PCGF3: variants seen among roughly 807,000 people sequenced by gnomAD.
PCGF3 encodes the protein polycomb group ring finger 3.
PCGF3 carries 7 observed loss-of-function variants against 33.1 expected under a neutral mutation model. The ratio of observed to expected loss-of-function variants is 0.21; its 90% CI spans 0.12 to 0.40. The LOEUF is 0.40. Ranked by LOEUF, PCGF3 falls within the 10% of genes least tolerant of loss-of-function variation. PCGF3 has a pLI of 1.00. For missense variants in PCGF3, 211 were observed against 313.3 expected, an observed-to-expected ratio of 0.67 and a Z score of 2.46; for synonymous variants, 153 against 121.3, an observed-to-expected ratio of 1.26 and a Z score of -1.72.
chr4:760,290 T>A (rs1412948187), intron 8 of PCGF3, among the ~76,000 whole-genome samples: 4 of 152,214 alleles, frequency 2.6e-5, no homozygotes, highest in African/African-American at 7.2e-5. Flanking sequence ...GGGGCTCCCG[T>A]CTTCTCCCCT....
At chr4:710,353 T>A (rs1420895043) in intron 1 of PCGF3, among the ~76,000 whole-genome samples, 1 of 152,226 alleles carries the variant, frequency 6.6e-6, no homozygotes, top group African/African-American at 2.4e-5. Flanking sequence ...AGGAAGGACG[T>A]CCCAGTGTTT....
chr4:740,868 G>A (rs1397539878), intron 6 of PCGF3, among the ~76,000 whole-genome samples: 1 of 152,222 alleles, frequency 6.6e-6, no homozygotes, highest in Admixed American at 6.5e-5. Flanking sequence ...GGAGTGTGCT[G>A]CCTGCCTGCC....
At position 713,948 on chromosome 4, in the gene PCGF3, A is replaced by T. The variant is rs553876017; in HGVS notation, c.-190+7978A>T. 2.0e-5 allele frequency among the ~76,000 whole-genome samples: 3 copies of T among 152,298 alleles called. No individual in the cohort carries two copies. The South Asian group carries it at 6.2e-4, about 32-fold the overall frequency. ...TACCCAAGTTTTTGTTAAGAAAAAA[A>T]ATCGCAATACAGAAAAATGGAGAAA... On this transcript the variant is annotated intron_variant, in intron 1 of 10. Transcript: ENST00000362003.
intron 4 of PCGF3, chr4:734,053 A>G (rs1024204928): frequency 6.4e-7 from 1 of 1,550,660 alleles, no homozygotes; most frequent in Non-Finnish European, 8.7e-7. Context: ...ACGGAGCAGC[A>G]AGGCCAGTAG....
chr4:725,759 C>T (rs1743306622), intron 1 of PCGF3, among the ~76,000 whole-genome samples: 1 of 152,144 alleles, frequency 6.6e-6, no homozygotes, highest in Admixed American at 6.5e-5. Flanking sequence ...GCTGTGGGTT[C>T]TGCTCTTATT....
At position 734,926 on chromosome 4, in the gene PCGF3, G is replaced by T; in HGVS notation, c.110-5G>T. ...TCTCCTAACACACCTGTGCTTTGATGACAGTCTGCAGGAGCTGCCTGGTGA... is the reference window on the plus strand; with the variant it reads ...TCTCCTAACACACCTGTGCTTTGATTACAGTCTGCAGGAGCTGCCTGGTGA... On this transcript the variant is annotated splice_polypyrimidine_tract_variant and splice_region_variant and intron_variant, in intron 4 of 10. Transcript: ENST00000362003. 1 of 1,612,880 alleles carries T rather than the reference G, an allele frequency of 6.2e-7. No homozygotes were observed. Among genetic ancestry groups the T allele is most frequent in the Non-Finnish European group, 8.5e-7 (1 of 1,179,674 alleles).
intron 1 of PCGF3, among the ~76,000 whole-genome samples, chr4:718,375 G>A (rs1359374362): frequency 3.3e-5 from 5 of 152,096 alleles, no homozygotes; most frequent in Non-Finnish European, 5.9e-5. Flanking sequence ...TGGGTTGAGG[G>A]GGATGTCACT....
intron 1 of PCGF3, among the ~76,000 whole-genome samples, chr4:726,221 T>G (rs1295353601): frequency 6.6e-6 from 1 of 152,272 alleles, no homozygotes; most frequent in African/African-American, 2.4e-5. Flanking sequence ...ACTGATACAG[T>G]TGAGCATTTA....
At chr4:707,966 C>T (rs1206147495) in intron 1 of PCGF3, among the ~76,000 whole-genome samples, 1 of 128,412 alleles carries the variant, frequency 7.8e-6, no homozygotes, top group Non-Finnish European at 1.8e-5. Flanking sequence ...GACCCTGGGA[C>T]AGCCCTGTTT....
chr4:761,667 C>CT (rs1371843519), intron 9 of PCGF3: 2 of 985,154 alleles, frequency 2.0e-6, no homozygotes, highest in East Asian at 2.3e-4. Context: ...GATGATGAGA[C>CT]TGTTTTAAAA....
At chr4:768,338 C>G (rs771507500) in exon 11 of PCGF3, 1 of 152,492 alleles carries the variant, frequency 6.6e-6, no homozygotes. Flanking sequence ...GAGGCTGGAG[C>G]GCAATGGCCC....
At chr4:739,108 T>C (rs1369896169) in intron 6 of PCGF3, among the ~76,000 whole-genome samples, 1 of 152,206 alleles carries the variant, frequency 6.6e-6, no homozygotes, top group Non-Finnish European at 1.5e-5. Context: ...ACCTTGATAA[T>C]GTTTAGGAAA....
At chr4:735,883 G>A (rs1019011975) in intron 5 of PCGF3, among the ~76,000 whole-genome samples, 3 of 152,166 alleles carry the variant, frequency 2.0e-5, no homozygotes, top group Non-Finnish European at 4.4e-5. Flanking sequence ...TGGAGCGTGT[G>A]GTTCTCACAC....
At chr4:762,431 A>G (rs1039057891) in intron 9 of PCGF3, 2 of 152,222 alleles carry the variant, frequency 1.3e-5, no homozygotes, top group Non-Finnish European at 2.9e-5. Flanking sequence ...CATCCCCCAG[A>G]TTCATGTTGG....
intron 1 of PCGF3, among the ~76,000 whole-genome samples, chr4:712,302 A>G (rs1464044890): frequency 6.6e-6 from 1 of 152,260 alleles, no homozygotes; most frequent in Non-Finnish European, 1.5e-5. Context: ...GCATTTTTGT[A>G]GAATTATCCA....
At chr4:765,938 CG>C (rs1745346762) in intron 10 of PCGF3, 93 bp from the exon 11 acceptor site, 6 of 1,112,186 alleles carry the variant, frequency 5.4e-6, no homozygotes, top group Non-Finnish European at 8.2e-6. Context: ...CTGTGCCTCA[CG>C]GGACGTGATT....
intron 9 of PCGF3, chr4:762,134 A>T: frequency 1.0e-6 from 1 of 965,492 alleles, no homozygotes. Context: ...AAGATAAGCC[A>T]CATCCTAACC....
intron 8 of PCGF3, among the ~76,000 whole-genome samples, chr4:760,932 C>T (rs1745020511): frequency 6.6e-6 from 1 of 152,192 alleles, no homozygotes. Context: ...ACGGGGCCGC[C>T]CACTCCCCTT....
chr4:766,431 G>A (rs1177092112), exon 11 of PCGF3: 1 of 200,258 alleles, frequency 5.0e-6, no homozygotes, highest in Non-Finnish European at 1.0e-5. Flanking sequence ...ATTCACTTCA[G>A]TTTAGTTTAT....
Sources: allele counts gnomAD v4.1 joint callset (sites outside exome capture counted in the v4.1 genomes callset), GRCh38; gene constraint gnomAD v4.1.1; transcripts MANE v1.5; gene names NCBI Gene and HGNC (gene_info 2026-07-23, HGNC 2026-07-21).